Variants in PCDHA13 observed in about 807,000 individuals in gnomAD.
The protein encoded by PCDHA13 is protocadherin alpha-13.
In PCDHA13, 54 loss-of-function variants were observed where a neutral mutation model predicts 64.8. The ratio of observed to expected loss-of-function variants is 0.83; its 90% CI spans 0.67 to 1.04. PCDHA13 has a LOEUF of 1.04. Among genes scored for constraint, PCDHA13 ranks in the 50% least tolerant of loss-of-function variants. The probability of loss-of-function intolerance (pLI) is 0.00; values close to 1 mark genes in which losing one functional copy is unlikely to be tolerated. For synonymous variants in PCDHA13, 587 were observed against 564.4 expected (o/e 1.04, Z -0.57); for missense variants, 1,248 against 1,254.3 (o/e 0.99, Z 0.08).
At chr5:140,949,816 A>G (rs1223140568) in intron 1 of PCDHA13, among the ~76,000 whole-genome samples, 2 of 151,532 alleles carry the variant, frequency 1.3e-5, no homozygotes, top group African/African-American at 4.8e-5. Context: ...TTTGCTTTCT[A>G]TTTGTCCCCT....
intron 3 of PCDHA13, among the ~76,000 whole-genome samples, chr5:140,984,963 A>T (rs1390500469): frequency 1.3e-5 from 2 of 151,890 alleles, no homozygotes; most frequent in Non-Finnish European, 2.9e-5. Context: ...TTTGAGACAG[A>T]GTCTCGCTCT....
intron 3 of PCDHA13, among the ~76,000 whole-genome samples, chr5:141,001,941 A>G (rs565358428): frequency 6.6e-6 from 1 of 151,874 alleles, no homozygotes; most frequent in Admixed American, 6.5e-5. Context: ...GTGAGCGGAA[A>G]TAAGGAGGAG....
chr5:140,976,353 C>T (rs1401617354), intron 1 of PCDHA13, among the ~76,000 whole-genome samples: 2 of 151,992 alleles, frequency 1.3e-5, no homozygotes, highest in African/African-American at 2.4e-5. Context: ...GTGTTCAAGA[C>T]CAGCCTGGCC....
chr5:140,949,656 GT>G (rs782242887), intron 1 of PCDHA13, among the ~76,000 whole-genome samples: 5 of 151,274 alleles, frequency 3.3e-5, no homozygotes, highest in Non-Finnish European at 7.4e-5. Context: ...TTTTACTTTT[GT>G]TTCTTTAAAG....
chr5:140,969,538 G>A (rs916768919), intron 1 of PCDHA13: 11 of 1,304,024 alleles, frequency 8.4e-6, no homozygotes, highest in African/African-American at 1.5e-5. Flanking sequence ...TTCATTTTCA[G>A]AGGCATGAAG....
intron 1 of PCDHA13, among the ~76,000 whole-genome samples, chr5:140,914,030 G>A (rs2076568173): frequency 1.3e-5 from 2 of 152,180 alleles, no homozygotes; most frequent in South Asian, 4.1e-4. Flanking sequence ...CACGTGCTGA[G>A]AAGAATGTGT....
Position 140,898,798 on chromosome 5 carries a change from G to A in PCDHA13, c.2394+14136G>A, listed in dbSNP as rs1441416892. On this transcript the variant is annotated intron_variant, in intron 1 of 3. Coordinates refer to ENST00000289272, the MANE Select transcript of PCDHA13 (RefSeq NM_018904.3). The stretch of plus-strand genomic sequence containing the variant: ...CCTTGGGCAGTATGGCCATTTTCAC[G>A]ATACTGATTCTTCCTACCCATGAGC... Among the ~76,000 whole-genome samples the A allele has an allele frequency of 2.6e-4, 39 of 152,120 alleles. 1 individual carries two copies. Among genetic ancestry groups the A allele is most frequent in the African/African-American group, 7.2e-5 (3 of 41,414 alleles).
rs190183922 is a variant in PCDHA13, at chr5:140,912,839, T to C, written c.2394+28177T>C. ...AGGGATTTTGAATTTTATTAAATGC[T>C]TTTTCAGCATCAATTGAAATGATAT... On this transcript the variant is annotated intron_variant, in intron 1 of 3. Coordinates refer to ENST00000289272, the MANE Select transcript of PCDHA13 (RefSeq NM_018904.3). Among the ~76,000 whole-genome samples the C allele has an allele frequency of 6.6e-5, 10 of 152,356 alleles. No individual in the cohort carries two copies. In the East Asian group the frequency reaches 1.9e-3, roughly 29 times the overall value.
chr5:140,951,145 T>G (rs2094553191), intron 1 of PCDHA13, among the ~76,000 whole-genome samples: 1 of 100,698 alleles, frequency 9.9e-6, no homozygotes, highest in South Asian at 2.6e-4. Flanking sequence ...TTTATCTTAT[T>G]GAATATAGTT....
chr5:140,882,864 C>G lies in PCDHA13; in HGVS notation c.596C>G (p.Thr199Arg). The change falls in exon 1 of 4, where the codon ACA (threonine) becomes AGA (arginine). Residue 199 changes from threonine (T) to arginine (R), a missense_variant. Transcript: ENST00000289272. ...MSSLSLVLRK[T>R]LDREEIQEHS... ...TCATTATCACTTGTACTGAGGAAAA[C>G]ACTGGACAGAGAGGAAATTCAGGAA... 2 of 1,614,200 alleles carry G rather than the reference C, an allele frequency of 1.2e-6. No individual in the cohort carries two copies. The highest frequency in any genetic ancestry group is 8.5e-7 in the Non-Finnish European group (1 of 1,180,038).
intron 1 of PCDHA13, among the ~76,000 whole-genome samples, chr5:140,962,103 T>C (rs1401131367): frequency 1.3e-5 from 2 of 152,020 alleles, no homozygotes; most frequent in African/African-American, 4.8e-5. Flanking sequence ...GCCAGGATGG[T>C]CTCGATCTCC....
intron 1 of PCDHA13, among the ~76,000 whole-genome samples, chr5:140,951,121 C>A (rs1223231581): frequency 6.9e-6 from 1 of 145,374 alleles, no homozygotes; most frequent in African/African-American, 2.6e-5. Context: ...TCATTCCTTA[C>A]CAATAAGTTT....
chr5:140,925,641 TATAATAATAATAATA>T (rs10569930), intron 1 of PCDHA13, among the ~76,000 whole-genome samples: 7 of 143,358 alleles, frequency 4.9e-5, no homozygotes, highest in African/African-American at 1.0e-4. Flanking sequence ...GAACTTAAAG[TATAATAATAATAATA>T]ATAATAATAA....
At chr5:140,906,063 A>T (rs572488248) in intron 1 of PCDHA13, among the ~76,000 whole-genome samples, 1 of 152,318 alleles carries the variant, frequency 6.6e-6, no homozygotes, top group South Asian at 2.1e-4. Flanking sequence ...CTGGCAGCTG[A>T]TTAGATCGCA....
Position 141,010,042 on chromosome 5 carries a change from T to C in PCDHA13, c.*105T>C. 6.3e-7 allele frequency: 1 copy of C among 1,594,374 alleles called. No homozygotes were observed. The highest frequency in any genetic ancestry group is 8.5e-7 in the Non-Finnish European group (1 of 1,171,086). ...TTTTTCCTATCTACATGAGCCCTCT[T>C]AGAGACCTCAGAAATCTGCAGAAAG... On this transcript the variant is annotated 3_prime_UTR_variant, in exon 4 of 4. Transcript: ENST00000289272.
intron 1 of PCDHA13, among the ~76,000 whole-genome samples, chr5:140,945,365 G>A (rs1458066318): frequency 6.6e-6 from 1 of 151,914 alleles, no homozygotes; most frequent in Non-Finnish European, 1.5e-5. Flanking sequence ...TGTTTAAAAT[G>A]TCCATATTAC....
At chr5:140,989,444 T>C (rs2097342711) in intron 3 of PCDHA13, among the ~76,000 whole-genome samples, 1 of 152,130 alleles carries the variant, frequency 6.6e-6, no homozygotes, top group South Asian at 2.1e-4. Context: ...CTGAGGTTGT[T>C]TAGAATTGTT....
chr5:140,884,498 G>C lies in PCDHA13; in HGVS notation c.2230G>C (p.Ala744Pro). The change falls in exon 1 of 4, where the codon GCG (alanine) becomes CCG (proline). Residue 744 changes from alanine to proline, a missense_variant. Physicochemically the swap from Ala to Pro is conservative, Grantham distance 27 (BLOSUM62 -1). Coordinates refer to ENST00000289272, the MANE Select transcript of PCDHA13 (RefSeq NM_018904.3). ...PGKPTLVCSS[A>P]AGSWSYSQQR... ...CAAGCCCACTCTAGTGTGCTCCAGCGCGGCAGGGAGTTGGTCGTACTCGCA... is the reference window on the plus strand; with the variant it reads ...CAAGCCCACTCTAGTGTGCTCCAGCCCGGCAGGGAGTTGGTCGTACTCGCA... The C allele has an allele frequency of 3.1e-6, 5 of 1,614,076 alleles. No individual in the cohort carries two copies. Among genetic ancestry groups the C allele is most frequent in the Non-Finnish European group, 4.2e-6 (5 of 1,179,994 alleles).
chr5:140,935,605 T>C (rs1554210594), intron 1 of PCDHA13, among the ~76,000 whole-genome samples: 4 of 152,228 alleles, frequency 2.6e-5, no homozygotes. Flanking sequence ...AGAGCTAGGC[T>C]TTTTTCAAGT....
Sources: allele counts gnomAD v4.1 joint callset (sites outside exome capture counted in the v4.1 genomes callset), GRCh38; gene constraint gnomAD v4.1.1; transcripts MANE v1.5; gene names NCBI Gene and HGNC (gene_info 2026-07-23, HGNC 2026-07-21).